C3orf70: variants seen among roughly 807,000 people sequenced by gnomAD.
C3orf70 encodes chromosome 3 open reading frame 70, also known as UPF0524 protein C3orf70.
In C3orf70, 15 loss-of-function variants were observed where a neutral mutation model predicts 20.7. The ratio of observed to expected loss-of-function variants is 0.72; its 90% CI spans 0.48 to 1.11. C3orf70 has a LOEUF of 1.11. Among genes scored for constraint, C3orf70 ranks in the 50% most tolerant of loss-of-function variants. The pLI, the probability that C3orf70 is intolerant of heterozygous loss-of-function variation, is 0.00. For missense variants in C3orf70, 332 were observed against 317.6 expected, an observed-to-expected ratio of 1.05 and a Z score of -0.34; for synonymous variants, 161 against 125.7, an observed-to-expected ratio of 1.28 and a Z score of -1.88.
chr3:185,113,783 G>C (rs934977814), intron 1 of C3orf70, among the ~76,000 whole-genome samples: 3 of 152,178 alleles, frequency 2.0e-5, no homozygotes. Context: ...AACAGGGAAG[G>C]GGGAGGTACA....
intron 1 of C3orf70, among the ~76,000 whole-genome samples, chr3:185,088,429 C>T (rs1577317637): frequency 1.3e-5 from 2 of 152,264 alleles, no homozygotes; most frequent in South Asian, 2.1e-4. Context: ...TTGGTTGTGA[C>T]ACTGTACTAC....
intron 1 of C3orf70, among the ~76,000 whole-genome samples, chr3:185,109,407 G>T (rs1716015190): frequency 6.6e-6 from 1 of 152,180 alleles, no homozygotes; most frequent in Admixed American, 6.5e-5. Flanking sequence ...ACTTTATCAT[G>T]AGCCAGATGC....
At chr3:185,086,580 C>T (rs760283754) in intron 1 of C3orf70, among the ~76,000 whole-genome samples, 5 of 152,180 alleles carry the variant, frequency 3.3e-5, no homozygotes. Flanking sequence ...GAATTCTCAG[C>T]TTCTAGACTG....
chr3:185,089,679 A>T (rs1397275315), intron 1 of C3orf70, among the ~76,000 whole-genome samples: 6 of 152,198 alleles, frequency 3.9e-5, no homozygotes, highest in African/African-American at 1.2e-4. Flanking sequence ...AAACTCATTA[A>T]CTTATCTTTA....
intron 1 of C3orf70, among the ~76,000 whole-genome samples, chr3:185,107,288 T>G (rs1291384603): frequency 7.9e-5 from 12 of 152,190 alleles, no homozygotes; most frequent in Admixed American, 7.2e-4. Context: ...CTGGGACTAT[T>G]CAACCAATTA....
intron 1 of C3orf70, among the ~76,000 whole-genome samples, chr3:185,093,709 A>G (rs1715640314): frequency 6.6e-6 from 1 of 152,188 alleles, no homozygotes; most frequent in Non-Finnish European, 1.5e-5. Flanking sequence ...CATGGAATGT[A>G]AATTTAAAAA....
At chr3:185,087,184 G>C (rs146487302) in intron 1 of C3orf70, among the ~76,000 whole-genome samples, 1 of 152,282 alleles carries the variant, frequency 6.6e-6, no homozygotes, top group African/African-American at 2.4e-5. Context: ...CGTAATTAAG[G>C]GTTTACTGTG....
At chr3:185,087,419 C>T (rs546997986) in intron 1 of C3orf70, among the ~76,000 whole-genome samples, 8 of 152,234 alleles carry the variant, frequency 5.3e-5, no homozygotes, top group African/African-American at 1.9e-4. Context: ...GGAAGCAACA[C>T]AAGTGTCCAT....
chr3:185,090,667 T>C (rs73885680), intron 1 of C3orf70, among the ~76,000 whole-genome samples: 3,672 of 152,316 alleles, frequency 0.024, 121 homozygotes, highest in African/African-American at 0.083. Flanking sequence ...AAAGTAATGC[T>C]AAATATTCTA....
At chr3:185,141,164 A>C (rs1037078242) in intron 1 of C3orf70, among the ~76,000 whole-genome samples, 11 of 152,234 alleles carry the variant, frequency 7.2e-5, no homozygotes, top group African/African-American at 2.6e-4. Context: ...ATTGTTTATA[A>C]GCCACCCAGT....
At chr3:185,130,327 G>A (rs1329241001) in intron 1 of C3orf70, among the ~76,000 whole-genome samples, 4 of 152,082 alleles carry the variant, frequency 2.6e-5, no homozygotes, top group South Asian at 2.1e-4. Context: ...GGTGGTGGGC[G>A]CCTGTAGTCC....
intron 1 of C3orf70, among the ~76,000 whole-genome samples, chr3:185,120,687 C>T (rs1187441547): frequency 6.6e-6 from 1 of 150,694 alleles, no homozygotes. Flanking sequence ...CCACCTCACT[C>T]CGGCATGAAC....
At chr3:185,087,678 G>A (rs1222557889) in intron 1 of C3orf70, among the ~76,000 whole-genome samples, 1 of 152,168 alleles carries the variant, frequency 6.6e-6, no homozygotes, top group Non-Finnish European at 1.5e-5. Context: ...ATGGGGAGTT[G>A]TTGTTTAATG....
chr3:185,115,902 C>G (rs1477837547), intron 1 of C3orf70, among the ~76,000 whole-genome samples: 1 of 152,182 alleles, frequency 6.6e-6, no homozygotes, highest in African/African-American at 2.4e-5. Context: ...GAGGACTCCA[C>G]CCTCGTGAAC....
intron 1 of C3orf70, among the ~76,000 whole-genome samples, chr3:185,092,381 C>T (rs940464926): frequency 2.0e-5 from 3 of 152,126 alleles, no homozygotes; most frequent in Non-Finnish European, 2.9e-5. Context: ...TTCTGGTACC[C>T]AGCTTCCTGA....
At chr3:185,098,310 T>C (rs1019055665) in intron 1 of C3orf70, among the ~76,000 whole-genome samples, 1 of 152,240 alleles carries the variant, frequency 6.6e-6, no homozygotes, top group Non-Finnish European at 1.5e-5. Context: ...AAAATGCTAC[T>C]AATCCCCAAT....
chr3:185,125,422 AC>A (rs1319863508), intron 1 of C3orf70, among the ~76,000 whole-genome samples: 555 of 145,080 alleles, frequency 3.8e-3, no homozygotes, highest in Non-Finnish European at 4.1e-3. Flanking sequence ...AACAACAACA[AC>A]AACAACAAAA....
rs554650881 is a variant in C3orf70, at chr3:185,129,803, A to G, written c.196+22825T>C. 3.3e-5 allele frequency among the ~76,000 whole-genome samples: 5 copies of G among 152,388 alleles called. No individual in the cohort carries two copies. The South Asian group carries it at 1.0e-3, about 32-fold the overall frequency. ...ATTTATATTCAAACAAAAGAAAATT[A>G]TAACATGCTTATTCATTTTGAATTA... On this transcript the variant is annotated intron_variant, in intron 1 of 1. Transcript: ENST00000335012.
intron 1 of C3orf70, among the ~76,000 whole-genome samples, chr3:185,113,285 C>CAAAAAAAAAAAAAAAAAAAA (rs55966497): frequency 4.3e-5 from 6 of 138,374 alleles, no homozygotes; most frequent in African/African-American, 1.6e-4. Flanking sequence ...CTAAAAAATA[C>CAAAAAAAAAAAAAAAAAAAA]AAAAAAGAAA....
Sources: allele counts gnomAD v4.1 joint callset (sites outside exome capture counted in the v4.1 genomes callset), GRCh38; gene constraint gnomAD v4.1.1; transcripts MANE v1.5; gene names NCBI Gene and HGNC (gene_info 2026-07-23, HGNC 2026-07-21).